CTSB: variants seen among roughly 807,000 people sequenced by gnomAD.
CTSB encodes APP secretase.
Under a neutral mutation model 44.3 loss-of-function variants are expected in CTSB, and 57 were observed. The observed-to-expected ratio is 1.29, with a 90% CI of 1.04 to 1.60. CTSB has a LOEUF of 1.60. CTSB is among the 40% of genes most tolerant of loss of function. The pLI is 0.00. For synonymous variants in CTSB, 320 were observed against 168.0 expected (o/e 1.91, Z -7.00); for missense variants, 768 against 443.0 (o/e 1.73, Z -6.59).
chr8:11,866,417 C>T (rs1047152326), intron 1 of CTSB, among the ~76,000 whole-genome samples: 2 of 152,248 alleles, frequency 1.3e-5, no homozygotes, highest in Admixed American at 1.3e-4. Flanking sequence ...TGTGCCTTTC[C>T]ACCAGGGGGT....
chr8:11,860,334 G>C (rs73534705), intron 1 of CTSB, among the ~76,000 whole-genome samples: 2,002 of 152,010 alleles, frequency 0.013, 49 homozygotes, highest in African/African-American at 0.044. Flanking sequence ...CTAAAGAATT[G>C]AAAGTTGGCC....
chr8:11,864,472 C>T (rs1816843139), intron 1 of CTSB: 1 of 151,760 alleles, frequency 6.6e-6, no homozygotes, highest in Non-Finnish European at 1.5e-5. Context: ...GCCTGGGAGA[C>T]AAAGCAAGAC....
intron 1 of CTSB, among the ~76,000 whole-genome samples, chr8:11,856,107 G>C (rs1815460769): frequency 6.6e-6 from 1 of 152,062 alleles, no homozygotes; most frequent in South Asian, 2.1e-4. Flanking sequence ...GCATGTATCA[G>C]ATTGGCAAGG....
chr8:11,849,724 GTGC>G, intron 4 of CTSB: 1 of 152,300 alleles, frequency 6.6e-6, no homozygotes, highest in Non-Finnish European at 1.5e-5. Context: ...GGGATTATAG[GTGC>G]CTGCCACCAG....
chr8:11,863,651 G>C (rs1816726051), intron 1 of CTSB, among the ~76,000 whole-genome samples: 1 of 152,140 alleles, frequency 6.6e-6, no homozygotes, highest in African/African-American at 2.4e-5. Context: ...TCTAATAATG[G>C]AACACTAGGC....
intron 1 of CTSB, among the ~76,000 whole-genome samples, chr8:11,862,070 G>A (rs565718680): frequency 4.3e-4 from 66 of 152,298 alleles, no homozygotes; most frequent in Admixed American, 2.0e-3. Context: ...AGCCAGGCAT[G>A]GTGGCAGGCG....
intron 1 of CTSB, among the ~76,000 whole-genome samples, chr8:11,858,290 A>C (rs1323043100): frequency 6.6e-6 from 1 of 152,108 alleles, no homozygotes; most frequent in Non-Finnish European, 1.5e-5. Flanking sequence ...AATGAAAACA[A>C]GTTTGTTTTT....
intron 5 of CTSB, 92 bp from the exon 6 acceptor site, chr8:11,848,244 T>C: frequency 9.1e-7 from 1 of 1,104,294 alleles, no homozygotes; most frequent in Non-Finnish European, 1.4e-6. Context: ...AGGCCACTCG[T>C]GGACCCACCC....
chr8:11,846,934 T>G, intron 8 of CTSB, 118 bp downstream of exon 8: 1 of 709,870 alleles, frequency 1.4e-6, no homozygotes, highest in South Asian at 1.6e-5. Flanking sequence ...CACAGCCCTC[T>G]TCCCCAGCCC....
chr8:11,866,773 T>G (rs554659734), intron 1 of CTSB, among the ~76,000 whole-genome samples: 1 of 152,076 alleles, frequency 6.6e-6, no homozygotes, highest in African/African-American at 2.4e-5. Context: ...GGCAGGAGAA[T>G]AGCTTGAATT....
chr8:11,864,776 T>A (rs1816887696), intron 1 of CTSB, among the ~76,000 whole-genome samples: 1 of 151,992 alleles, frequency 6.6e-6, no homozygotes, highest in Non-Finnish European at 1.5e-5. Flanking sequence ...TAGCCAGGCA[T>A]GGTGGTGCAT....
intron 8 of CTSB, among the ~76,000 whole-genome samples, chr8:11,845,996 G>C (rs1458284508): frequency 6.6e-6 from 1 of 152,198 alleles, no homozygotes; most frequent in Non-Finnish European, 1.5e-5. Flanking sequence ...AAGTTGTTGA[G>C]TAAATATTGA....
chr8:11,847,169 C>T lies in CTSB; in HGVS notation c.677-1G>A, dbSNP rs1813549981. 1.2e-6 allele frequency: 2 copies of T among 1,600,946 alleles called. No homozygotes were observed. Among genetic ancestry groups the T allele is most frequent in the Non-Finnish European group, 1.7e-6 (2 of 1,168,438 alleles). ...TTGGAGACGCTGTAGGAATTGTATC[C>T]TGGAAAATGAACCGAGCTCGGGGTT... On this transcript the variant is annotated splice_acceptor_variant, in intron 7 of 9. Coordinates refer to ENST00000353047, the MANE Select transcript of CTSB (RefSeq NM_001908.5). LOFTEE classifies it high-confidence loss of function.
At position 11,848,070 on chromosome 8, in the gene CTSB, C is replaced by G. The variant is rs201380343; in HGVS notation, c.529G>C (p.Val177Leu). The G allele has an allele frequency of 1.2e-6, 2 of 1,611,422 alleles. No homozygotes were observed. Among genetic ancestry groups the G allele is most frequent in the Admixed American group, 3.3e-5 (2 of 59,870 alleles). ...LVSGGLYESHVGCRPYSIPPC... is the reference protein window; with the variant it reads ...LVSGGLYESHLGCRPYSIPPC... Reference sequence around the variant, plus strand: ...GTGGCCAAGGGGACACACTTACCTACATGGGATTCATAGAGGCCACCAGAA... The same window carrying G: ...GTGGCCAAGGGGACACACTTACCTAGATGGGATTCATAGAGGCCACCAGAA... Residue 177 changes from valine (V) to leucine (L), a missense_variant, in exon 6 of 10, where the codon GTA (valine) becomes CTA (leucine). Coordinates refer to ENST00000353047, the MANE Select transcript of CTSB (RefSeq NM_001908.5).
At chr8:11,853,258 C>T in intron 2 of CTSB, 71 bp downstream of exon 2, 2 of 1,577,452 alleles carry the variant, frequency 1.3e-6, no homozygotes, top group Non-Finnish European at 1.7e-6. Flanking sequence ...GGCTGGCTTC[C>T]CATTCCTGGA....
chr8:11,852,503 G>T, intron 3 of CTSB, 107 bp downstream of exon 3: 1 of 735,368 alleles, frequency 1.4e-6, no homozygotes, highest in Non-Finnish European at 2.2e-6. Flanking sequence ...GCCCTGGGCA[G>T]CATGAGCCCT....
intron 1 of CTSB, chr8:11,853,820 G>C (rs1187284245): frequency 1.0e-5 from 2 of 199,826 alleles, no homozygotes; most frequent in African/African-American, 4.6e-5. Flanking sequence ...TGAGTGATAT[G>C]AAACAGTTAA....
intron 1 of CTSB, among the ~76,000 whole-genome samples, chr8:11,859,534 G>T (rs1050742645): frequency 5.3e-5 from 8 of 152,116 alleles, no homozygotes; most frequent in Admixed American, 3.3e-4. Flanking sequence ...GTCAAGGCAG[G>T]CGGATCACCT....
At chr8:11,863,732 T>A (rs752567567) in intron 1 of CTSB, among the ~76,000 whole-genome samples, 2 of 152,074 alleles carry the variant, frequency 1.3e-5, no homozygotes, top group Admixed American at 1.3e-4. Flanking sequence ...AAAACAGGGG[T>A]ACCACTTCAA....
Sources: allele counts gnomAD v4.1 joint callset (sites outside exome capture counted in the v4.1 genomes callset), GRCh38; gene constraint gnomAD v4.1.1; transcripts MANE v1.5; gene names NCBI Gene and HGNC (gene_info 2026-07-23, HGNC 2026-07-21).